The following PAG1 variants were observed in gnomAD, a reference collection of about 807,000 sequenced individuals.
PAG1 encodes phosphoprotein associated with glycosphingolipid-enriched microdomains 1.
A neutral mutation model predicts 31.7 loss-of-function variants in PAG1; 23 were observed. That is an observed-to-expected ratio of 0.73 (90% CI 0.52 to 1.03). The LOEUF (loss-of-function observed/expected upper bound fraction) is 1.03, where lower values mean the gene tolerates loss of function less well. PAG1 is among the 50% of genes least tolerant of loss of function. PAG1 has a pLI of 0.00. For synonymous variants in PAG1, 214 were observed against 210.3 expected, an observed-to-expected ratio of 1.02 and a Z score of -0.15; for missense variants, 473 against 540.7, an observed-to-expected ratio of 0.87 and a Z score of 1.24.
intron 1 of PAG1, among the ~76,000 whole-genome samples, chr8:81,101,180 A>G (rs889998439): frequency 6.6e-6 from 1 of 152,224 alleles, no homozygotes; most frequent in African/African-American, 2.4e-5. Flanking sequence ...TCTTCCAAAT[A>G]TCTCAGCCCC....
In PAG1 at chr8:81,048,752, T is replaced by C. The variant is rs368363565; in HGVS notation, c.-174-18663A>G. Among the ~76,000 whole-genome samples, 13 of 152,350 alleles carry C rather than the reference T, an allele frequency of 8.5e-5. No homozygotes were observed. The East Asian group carries it at 1.5e-3, about 18-fold the overall frequency. ...CGCTAGCATCATTCGTATATATAAA[T>C]GTACATACATTTATTAGATGATCTT... On this transcript the variant is annotated intron_variant, in intron 2 of 8. Coordinates refer to ENST00000220597, the MANE Select transcript of PAG1 (RefSeq NM_018440.4).
chr8:81,007,397 T>G (rs1270154270), intron 3 of PAG1, among the ~76,000 whole-genome samples: 2 of 150,156 alleles, frequency 1.3e-5, no homozygotes, highest in African/African-American at 4.9e-5. Context: ...GTGGATTACC[T>G]GAGGTCAGGG....
rs200987749 is a variant in PAG1, at chr8:81,054,569, G to A, written c.-175+15543C>T. The stretch of plus-strand genomic sequence containing the variant: ...CAGGCGCCTGTAGTCCCAGCTACTC[G>A]GGAGGCTGAGGCAAGAGAGTGGTGT... On this transcript the variant is annotated intron_variant, in intron 2 of 8. Coordinates refer to ENST00000220597, the MANE Select transcript of PAG1 (RefSeq NM_018440.4). 3.5e-4 allele frequency among the ~76,000 whole-genome samples: 54 copies of A among 152,162 alleles called. 2 individuals carry two copies. The highest frequency in any genetic ancestry group is 9.4e-4 in the African/African-American group (39 of 41,510).
chr8:81,026,286 T>G (rs916411562), intron 3 of PAG1, among the ~76,000 whole-genome samples: 2 of 151,036 alleles, frequency 1.3e-5, no homozygotes, highest in Non-Finnish European at 3.0e-5. Context: ...AAGCAGAGGT[T>G]TCAGTGAGCG....
intron 1 of PAG1, among the ~76,000 whole-genome samples, chr8:81,105,357 C>A (rs1809677761): frequency 6.6e-6 from 1 of 151,998 alleles, no homozygotes; most frequent in Non-Finnish European, 1.5e-5. Flanking sequence ...ATAAATACCA[C>A]CCTTGTGATA....
chr8:81,013,860 G>A (rs933817031), intron 3 of PAG1, among the ~76,000 whole-genome samples: 6 of 152,268 alleles, frequency 3.9e-5, no homozygotes, highest in South Asian at 4.2e-4. Flanking sequence ...GATTACAGGC[G>A]TGAGCCACTG....
At chr8:81,089,720 C>T (rs1036652418) in intron 1 of PAG1, among the ~76,000 whole-genome samples, 1 of 152,188 alleles carries the variant, frequency 6.6e-6, no homozygotes, top group Admixed American at 6.5e-5. Context: ...TTAGCTTCTA[C>T]AGCTTTATCT....
intron 2 of PAG1, among the ~76,000 whole-genome samples, chr8:81,060,142 C>CA (rs1416667850): frequency 9.9e-5 from 15 of 152,120 alleles, no homozygotes; most frequent in Non-Finnish European, 2.1e-4. Context: ...GGCATTAGAT[C>CA]AAAAAATCAA....
intron 3 of PAG1, among the ~76,000 whole-genome samples, chr8:81,028,985 C>T (rs1420810779): frequency 6.6e-6 from 1 of 152,176 alleles, no homozygotes; most frequent in Non-Finnish European, 1.5e-5. Flanking sequence ...GTAGTATCAA[C>T]CATATCATAT....
rs904911288 is a variant in PAG1 at position 80,972,516 on chromosome 8, C to T, written c.*4028G>A. The T allele has an allele frequency of 3.9e-5, 6 of 152,158 alleles. No homozygotes were observed. Among genetic ancestry groups the T allele is most frequent in the Admixed American group, 2.6e-4 (4 of 15,272 alleles). 9.4% of individuals were successfully genotyped at this position (152,158 alleles called of 1,614,324 possible). The stretch of plus-strand genomic sequence containing the variant: ...AATGAAACAGAATGCCACAGGTGAC[C>T]GACCTCTGCTCCTGCTACTTGGGAG... On this transcript the variant is annotated 3_prime_UTR_variant, in exon 9 of 9. Coordinates refer to ENST00000220597, the MANE Select transcript of PAG1 (RefSeq NM_018440.4).
chr8:81,008,089 A>G (rs1030933447), intron 3 of PAG1, among the ~76,000 whole-genome samples: 3 of 152,244 alleles, frequency 2.0e-5, no homozygotes, highest in Non-Finnish European at 4.4e-5. Context: ...GGATTAAATA[A>G]TATAAGCTAT....
intron 2 of PAG1, among the ~76,000 whole-genome samples, chr8:81,059,048 T>C (rs1808874842): frequency 6.6e-6 from 1 of 152,104 alleles, no homozygotes; most frequent in Non-Finnish European, 1.5e-5. Flanking sequence ...AGAACCCCCC[T>C]CAGATACCAA....
intron 1 of PAG1, among the ~76,000 whole-genome samples, chr8:81,091,935 C>T (rs1450264196): frequency 1.3e-5 from 2 of 149,510 alleles, no homozygotes; most frequent in African/African-American, 4.9e-5. Context: ...AGGAGTTCAA[C>T]CCTGTAGTAA....
At chr8:81,096,022 T>C (rs1162464306) in intron 1 of PAG1, among the ~76,000 whole-genome samples, 2 of 152,366 alleles carry the variant, frequency 1.3e-5, no homozygotes, top group Non-Finnish European at 1.5e-5. Context: ...TGTCTTAATT[T>C]TTTTGTACAA....
At chr8:81,108,908 G>A (rs557938297) in intron 1 of PAG1, among the ~76,000 whole-genome samples, 2 of 152,280 alleles carry the variant, frequency 1.3e-5, no homozygotes, top group East Asian at 3.9e-4. Context: ...TCTGCCCAAG[G>A]GAGTTCTCCA....
At chr8:81,043,752 T>C (rs971974342) in intron 2 of PAG1, among the ~76,000 whole-genome samples, 5 of 152,238 alleles carry the variant, frequency 3.3e-5, no homozygotes, top group African/African-American at 1.2e-4. Context: ...CATTTTCATT[T>C]TATTCTCCTG....
intron 2 of PAG1, among the ~76,000 whole-genome samples, chr8:81,037,455 C>T (rs1183788316): frequency 1.3e-5 from 2 of 152,162 alleles, no homozygotes; most frequent in Admixed American, 1.3e-4. Flanking sequence ...GTTTCAATAT[C>T]AGCAGAGAAG....
chr8:81,064,175 G>T (rs112865512), intron 2 of PAG1, among the ~76,000 whole-genome samples: 18 of 152,210 alleles, frequency 1.2e-4, no homozygotes, highest in Non-Finnish European at 2.6e-4. Flanking sequence ...CCAGGGACCG[G>T]TTTCATGGAA....
intron 2 of PAG1, among the ~76,000 whole-genome samples, chr8:81,048,851 G>A (rs372254103): frequency 2.0e-5 from 3 of 152,114 alleles, no homozygotes; most frequent in East Asian, 1.9e-4. Context: ...AAGTCTTTGC[G>A]GCCCAGTGTT....
Sources: gnomAD v4.1 joint callset for allele counts (sites outside exome capture counted in the v4.1 genomes callset) on GRCh38, gnomAD v4.1.1 for gene constraint, MANE v1.5 for transcripts, NCBI Gene and HGNC (gene_info 2026-07-23, HGNC 2026-07-21) for gene names.